ARID2: variants seen among roughly 807,000 people sequenced by gnomAD.
ARID2 encodes the protein AT-rich interaction domain 2, also known as AT-rich interactive domain-containing protein 2.
In ARID2, 32 loss-of-function variants were observed where a neutral mutation model predicts 184.6. The observed-to-expected ratio is 0.17, with a 90% CI of 0.13 to 0.23. The LOEUF (loss-of-function observed/expected upper bound fraction) is 0.23. ARID2 is among the 10% of genes least tolerant of loss of function. The pLI is 1.00. For missense variants in ARID2, 1,696 were observed against 2,197.6 expected (o/e 0.77, Z 4.56); for synonymous variants, 836 against 772.6 (o/e 1.08, Z -1.36).
chr12:45,742,316 A>G (rs1006939619), intron 3 of ARID2, among the ~76,000 whole-genome samples: 47 of 152,196 alleles, frequency 3.1e-4, no homozygotes, highest in Admixed American at 2.9e-3. Flanking sequence ...TTAGCATTGT[A>G]TTATACTTGC....
At chr12:45,887,779 C>T (rs1199810991) in intron 16 of ARID2, among the ~76,000 whole-genome samples, 1 of 152,202 alleles carries the variant, frequency 6.6e-6, no homozygotes, top group African/African-American at 2.4e-5. Context: ...GGCTCCACCC[C>T]GTCCTTCCAG....
chr12:45,900,153 C>T (rs1944439895), intron 20 of ARID2, among the ~76,000 whole-genome samples: 1 of 152,066 alleles, frequency 6.6e-6, no homozygotes, highest in Non-Finnish European at 1.5e-5. Context: ...CTTTGCCTCC[C>T]AGGTTCAAGT....
intron 4 of ARID2, 88 bp from the exon 5 acceptor site, chr12:45,817,582 A>G (rs1190875116): frequency 5.3e-6 from 2 of 379,360 alleles, no homozygotes; most frequent in Middle Eastern, 8.0e-4. Context: ...ATATATATAT[A>G]TTTAAAGCTG....
At chr12:45,798,397 G>A (rs1942432141) in intron 3 of ARID2, among the ~76,000 whole-genome samples, 3 of 152,068 alleles carry the variant, frequency 2.0e-5, no homozygotes, top group South Asian at 2.1e-4. Flanking sequence ...CAGGAAATCT[G>A]GAAAACCAGG....
chr12:45,860,735 CTATACTA>C, intron 15 of ARID2, 59 bp from the exon 16 acceptor site: 1 of 1,304,420 alleles, frequency 7.7e-7, no homozygotes, highest in Non-Finnish European at 1.0e-6. Context: ...ATTTATAAGA[CTATACTA>C]TAAAATATGA....
intron 16 of ARID2, among the ~76,000 whole-genome samples, chr12:45,868,538 T>C (rs551642869): frequency 6.6e-6 from 1 of 152,356 alleles, no homozygotes; most frequent in South Asian, 2.1e-4. Context: ...TAAATCTTAA[T>C]GGTTTTCATG....
At chr12:45,772,357 A>G (rs1406324928) in intron 3 of ARID2, among the ~76,000 whole-genome samples, 5 of 152,180 alleles carry the variant, frequency 3.3e-5, no homozygotes, top group Non-Finnish European at 5.9e-5. Context: ...CAGGAGGCTG[A>G]GATGGGAGGA....
intron 3 of ARID2, among the ~76,000 whole-genome samples, chr12:45,767,356 G>A (rs897572881): frequency 6.6e-6 from 1 of 152,064 alleles, no homozygotes; most frequent in Non-Finnish European, 1.5e-5. Flanking sequence ...GTGAAAAAAG[G>A]AAGAATTTTT....
At chr12:45,901,068 G>A (rs950717373) in intron 20 of ARID2, among the ~76,000 whole-genome samples, 21 of 150,262 alleles carry the variant, frequency 1.4e-4, no homozygotes, top group African/African-American at 4.2e-4. Flanking sequence ...TTCAGTAATG[G>A]GAACTTTTCT....
At chr12:45,829,692 T>A (rs536513235) in intron 6 of ARID2, among the ~76,000 whole-genome samples, 15 of 151,792 alleles carry the variant, frequency 9.9e-5, no homozygotes, top group African/African-American at 2.9e-4. Flanking sequence ...ATCTTGTCTT[T>A]ATTTTTGTCC....
intron 10 of ARID2, among the ~76,000 whole-genome samples, chr12:45,838,045 A>AT (rs1346925911): frequency 6.6e-6 from 1 of 152,200 alleles, no homozygotes; most frequent in East Asian, 1.9e-4. Flanking sequence ...AGTAATTCCT[A>AT]TTTCTTCTCT....
At chr12:45,791,273 C>G (rs1367454825) in intron 3 of ARID2, among the ~76,000 whole-genome samples, 1 of 151,466 alleles carries the variant, frequency 6.6e-6, no homozygotes, top group African/African-American at 2.4e-5. Flanking sequence ...GCTGTGTTTC[C>G]TTTTAATTGA....
chr12:45,896,844 G>A (rs961808846), intron 20 of ARID2, among the ~76,000 whole-genome samples: 21 of 152,086 alleles, frequency 1.4e-4, no homozygotes, highest in African/African-American at 4.8e-4. Flanking sequence ...ATTTGGGGAT[G>A]TTTTTCTTTT....
At chr12:45,820,699 T>A (rs897420384) in intron 5 of ARID2, among the ~76,000 whole-genome samples, 7 of 152,254 alleles carry the variant, frequency 4.6e-5, no homozygotes, top group African/African-American at 1.7e-4. Context: ...TCATACTGCT[T>A]TATAGTCTGA....
intron 3 of ARID2, among the ~76,000 whole-genome samples, chr12:45,737,956 G>A (rs1941162862): frequency 6.6e-6 from 1 of 152,112 alleles, no homozygotes; most frequent in Admixed American, 6.5e-5. Context: ...GAAAAAAAGA[G>A]TAAATGAACT....
intron 3 of ARID2, among the ~76,000 whole-genome samples, chr12:45,771,692 C>CTA (rs146042982): frequency 0.1 from 15,079 of 145,600 alleles, 794 homozygotes; most frequent in African/African-American, 0.12. Context: ...ATGTGTAAAA[C>CTA]TATATATATA....
At chr12:45,843,994 G>A (rs533239310) in intron 11 of ARID2, among the ~76,000 whole-genome samples, 1 of 152,276 alleles carries the variant, frequency 6.6e-6, no homozygotes, top group Non-Finnish European at 1.5e-5. Flanking sequence ...TAATCTGAAT[G>A]AAATAAAATA....
chr12:45,769,493 G>A (rs1352212030), intron 3 of ARID2, among the ~76,000 whole-genome samples: 2 of 152,158 alleles, frequency 1.3e-5, no homozygotes, highest in East Asian at 1.9e-4. Flanking sequence ...AGATTATGCA[G>A]TGTGAAGAGA....
intron 3 of ARID2, among the ~76,000 whole-genome samples, chr12:45,754,632 C>G (rs573596873): frequency 1.3e-5 from 2 of 152,196 alleles, no homozygotes; most frequent in Admixed American, 1.3e-4. Context: ...CTTTTCTTAT[C>G]TCATCAAGCA....
Sources: allele counts gnomAD v4.1 joint callset (sites outside exome capture counted in the v4.1 genomes callset), GRCh38; gene constraint gnomAD v4.1.1; transcripts MANE v1.5; gene names NCBI Gene and HGNC (gene_info 2026-07-23, HGNC 2026-07-21).